The following PDE1C variants were observed in gnomAD, a reference collection of about 807,000 sequenced individuals.
PDE1C encodes the protein dual specificity calcium/calmodulin-dependent 3',5'-cyclic nucleotide phosphodiesterase 1C.
PDE1C carries 62 observed loss-of-function variants against 93.1 expected under a neutral mutation model. The ratio of observed to expected loss-of-function variants is 0.67; its 90% CI spans 0.54 to 0.82. The LOEUF is 0.82. Ranked by LOEUF, PDE1C falls within the 40% of genes least tolerant of loss-of-function variation. The pLI is 0.00. For synonymous variants in PDE1C, 325 were observed against 310.1 expected (o/e 1.05, Z -0.50); for missense variants, 742 against 884.6 (o/e 0.84, Z 2.04).
At chr7:32,225,817 T>C (rs938593523) in intron 1 of PDE1C, among the ~76,000 whole-genome samples, 34 of 152,236 alleles carry the variant, frequency 2.2e-4, no homozygotes, top group African/African-American at 6.5e-4. Context: ...CCCAACACTT[T>C]TGGAGGCTGA....
At position 32,240,732 on chromosome 7, in the gene PDE1C, C is replaced by A. The variant is rs1228307482; in HGVS notation, c.86-31193G>T. On this transcript the variant is annotated intron_variant, in intron 1 of 18. Transcript: ENST00000396193. Reference sequence around the variant, plus strand: ...TAGAAGGCCACCAGGGGGTTTGGAGCAGAGCAGGGATATGACCTGACATGT... The same window carrying A: ...TAGAAGGCCACCAGGGGGTTTGGAGAAGAGCAGGGATATGACCTGACATGT... Among the ~76,000 whole-genome samples, 4 of 152,222 alleles carry A rather than the reference C, an allele frequency of 2.6e-5. No individual in the cohort carries two copies. The East Asian group carries it at 7.7e-4, about 29-fold the overall frequency.
At chr7:32,003,799 T>A (rs11980693) in intron 2 of PDE1C, among the ~76,000 whole-genome samples, 1 of 152,254 alleles carries the variant, frequency 6.6e-6, no homozygotes, top group Non-Finnish European at 1.5e-5. Context: ...CTGTTTCAGA[T>A]GCTGTGGCTA....
intron 7 of PDE1C, among the ~76,000 whole-genome samples, chr7:31,860,115 A>G (rs1304417376): frequency 6.6e-6 from 1 of 152,196 alleles, no homozygotes; most frequent in African/African-American, 2.4e-5. Context: ...GTTTTCTTAT[A>G]TGACTATACC....
intron 16 of PDE1C, chr7:31,787,415 A>G (rs1784116184): frequency 6.6e-6 from 1 of 152,186 alleles, no homozygotes; most frequent in Non-Finnish European, 1.5e-5. Flanking sequence ...CTCATAACCT[A>G]AGAAAGATTG....
the PDE1C span, among the ~76,000 whole-genome samples, chr7:31,688,819 A>ATACC: frequency 5.9e-5 from 9 of 152,332 alleles, no homozygotes; most frequent in South Asian, 6.2e-4. Flanking sequence ...ACTACACTGA[A>ATACC]TACCTACATT....
downstream of PDE1C, among the ~76,000 whole-genome samples, chr7:31,747,396 G>A (rs1794028855): frequency 6.6e-6 from 1 of 152,158 alleles, no homozygotes; most frequent in Admixed American, 6.5e-5. Flanking sequence ...ATATATTAAA[G>A]TGCCAGGAAC....
intron 12 of PDE1C, among the ~76,000 whole-genome samples, chr7:31,827,572 T>C (rs969051681): frequency 6.6e-6 from 1 of 152,116 alleles, no homozygotes; most frequent in African/African-American, 2.4e-5. Context: ...GTGCCCAATA[T>C]ATGAAGACTC....
At chr7:32,098,350 G>T (rs994257754) in intron 3 of PDE1C, among the ~76,000 whole-genome samples, 1 of 151,688 alleles carries the variant, frequency 6.6e-6, no homozygotes, top group African/African-American at 2.4e-5. Context: ...TTTGCCCAAG[G>T]TTATATGACC....
the PDE1C span, among the ~76,000 whole-genome samples, chr7:31,675,136 A>G: frequency 2.4e-4 from 37 of 152,258 alleles, no homozygotes; most frequent in Non-Finnish European, 4.7e-4. Flanking sequence ...CTCTGTTCCA[A>G]GCTTTGGTCA....
At chr7:32,060,275 C>T (rs150788275) in intron 1 of PDE1C, among the ~76,000 whole-genome samples, 1 of 152,274 alleles carries the variant, frequency 6.6e-6, no homozygotes, top group Non-Finnish European at 1.5e-5. Flanking sequence ...GTCTTGCCTA[C>T]CCACTCCTGC....
intron 2 of PDE1C, among the ~76,000 whole-genome samples, chr7:32,008,503 A>G (rs1020610494): frequency 6.6e-6 from 1 of 152,140 alleles, no homozygotes; most frequent in African/African-American, 2.4e-5. Flanking sequence ...GGTCCCTACT[A>G]CTGGGTTCAG....
intron 1 of PDE1C, among the ~76,000 whole-genome samples, chr7:32,333,545 A>G (rs917195767): frequency 2.0e-5 from 3 of 152,190 alleles, no homozygotes; most frequent in African/African-American, 7.2e-5. Context: ...TAGGAGTCCA[A>G]AAACTTTGAG....
intron 2 of PDE1C, among the ~76,000 whole-genome samples, chr7:32,010,380 A>G (rs1786916784): frequency 6.6e-6 from 1 of 152,212 alleles, no homozygotes; most frequent in Admixed American, 6.5e-5. Context: ...TAAAATAGCA[A>G]TTCAATGGAG....
intron 1 of PDE1C, among the ~76,000 whole-genome samples, chr7:32,264,999 G>A (rs1353277365): frequency 6.6e-6 from 1 of 152,132 alleles, no homozygotes; most frequent in Non-Finnish European, 1.5e-5. Flanking sequence ...TTGCCAAGAA[G>A]CAATGGCAAC....
intron 2 of PDE1C, among the ~76,000 whole-genome samples, chr7:31,927,905 T>C (rs967296216): frequency 6.6e-6 from 1 of 151,982 alleles, no homozygotes; most frequent in African/African-American, 2.4e-5. Flanking sequence ...GCAATTCCTC[T>C]CCAACAAGGG....
chr7:32,127,754 A>G (rs1034111486), intron 3 of PDE1C, among the ~76,000 whole-genome samples: 2 of 152,072 alleles, frequency 1.3e-5, no homozygotes, highest in Non-Finnish European at 2.9e-5. Context: ...AGAAGAACAC[A>G]TCAGTTCCTG....
intron 3 of PDE1C, among the ~76,000 whole-genome samples, chr7:32,117,063 G>A (rs1799024113): frequency 1.3e-5 from 2 of 152,144 alleles, no homozygotes; most frequent in African/African-American, 2.4e-5. Flanking sequence ...GTAAATAGAT[G>A]CAAAAGGCAG....
At chr7:32,293,285 G>A (rs539622358) in intron 1 of PDE1C, among the ~76,000 whole-genome samples, 5 of 152,152 alleles carry the variant, frequency 3.3e-5, no homozygotes, top group Non-Finnish European at 5.9e-5. Context: ...ATCTGCGTGT[G>A]ACTCCAAAGC....
chr7:32,354,899 C>T (rs1421760330), intron 1 of PDE1C, among the ~76,000 whole-genome samples: 1 of 152,220 alleles, frequency 6.6e-6, no homozygotes, highest in Non-Finnish European at 1.5e-5. Flanking sequence ...ACTCTTTAAG[C>T]TTTTTCTTTT....
Sources: allele counts gnomAD v4.1 joint callset (sites outside exome capture counted in the v4.1 genomes callset), GRCh38; gene constraint gnomAD v4.1.1; transcripts MANE v1.5; gene names NCBI Gene and HGNC (gene_info 2026-07-23, HGNC 2026-07-21).